The following VKORC1L1 variants were observed in gnomAD, a reference collection of about 807,000 sequenced individuals.
VKORC1L1 encodes the protein vitamin K epoxide reductase complex subunit 1L1, also known as vitamin K epoxide reductase complex subunit 1-like protein 1.
In VKORC1L1, 2 loss-of-function variants were observed where a neutral mutation model predicts 18.9. That is an observed-to-expected ratio of 0.11 (90% CI 0.04 to 0.33). The LOEUF (loss-of-function observed/expected upper bound fraction) is 0.33. Among genes scored for constraint, VKORC1L1 ranks in the 10% least tolerant of loss-of-function variants. The pLI is 1.00. For synonymous variants in VKORC1L1, 96 were observed against 100.0 expected (o/e 0.96, Z 0.24); for missense variants, 123 against 224.1 (o/e 0.55, Z 2.88).
intron 1 of VKORC1L1, among the ~76,000 whole-genome samples, chr7:65,898,088 T>TG (rs1158927698): frequency 3.6e-4 from 37 of 103,738 alleles, no homozygotes; most frequent in South Asian, 2.8e-3. Context: ...TTTTTTTTTT[T>TG]TTTTTTTTTT....
In VKORC1L1 at chr7:65,898,952, A is replaced by T. The variant is rs1312576475; in HGVS notation, c.194+25387A>T. On this transcript the variant is annotated intron_variant, in intron 1 of 2. Transcript: ENST00000360768. ...TTGTAACTGGTTTGTTTCACTTAGC[A>T]CAATGTTCTCAAGGTCCATACTATT... is the stretch of plus-strand genomic sequence containing the variant. 2.6e-5 allele frequency among the ~76,000 whole-genome samples: 4 copies of T among 152,176 alleles called. 1 individual carries two copies. The South Asian group carries it at 8.3e-4, about 32-fold the overall frequency.
Position 65,954,344 on chromosome 7 carries a change from T to C in VKORC1L1, c.*44T>C. 1 of 1,603,378 alleles carries C rather than the reference T, an allele frequency of 6.2e-7. No individual in the cohort carries two copies. Among genetic ancestry groups the C allele is most frequent in the Non-Finnish European group, 8.5e-7 (1 of 1,175,376 alleles). On this transcript the variant is annotated 3_prime_UTR_variant, in exon 3 of 3. Coordinates refer to ENST00000360768, the MANE Select transcript of VKORC1L1 (RefSeq NM_173517.6). ...CTAACAGTCTCAAGCCCCTTTCCAT[T>C]CAGTTTATTTTGCAGCAGGTTTTTA... is the stretch of plus-strand genomic sequence containing the variant.
chr7:65,880,594 G>A (rs1788911531), intron 1 of VKORC1L1, among the ~76,000 whole-genome samples: 1 of 152,164 alleles, frequency 6.6e-6, no homozygotes, highest in African/African-American at 2.4e-5. Flanking sequence ...TGGACCTGCT[G>A]CATATAAAGA....
At position 65,956,164 on chromosome 7, in the gene VKORC1L1, T is replaced by C. The variant is rs181569447; in HGVS notation, c.*1864T>C. The C allele has an allele frequency of 1.1e-4, 16 of 152,356 alleles. No homozygotes were observed. Among genetic ancestry groups the C allele is most frequent in the East Asian group, 1.9e-4 (1 of 5,186 alleles). The allele number at this position is 152,356 out of a possible 1,614,324, so 9.4% of individuals were successfully genotyped here. A position where few individuals can be genotyped will look rare whatever the true frequency, so the allele number is the denominator to read the frequency against. On this transcript the variant is annotated 3_prime_UTR_variant, in exon 3 of 3. Transcript: ENST00000360768. ...GTTAAAGAACTCTAGAAAGTACTGA[T>C]TGGCCATCTGGTGTCTATGGAGAAA...
rs926374047 is a variant in VKORC1L1 at position 65,901,412 on chromosome 7, G to A, written c.194+27847G>A. Among the ~76,000 whole-genome samples the A allele has an allele frequency of 3.9e-3, 591 of 152,300 alleles. 6 individuals carry two copies. The highest frequency in any genetic ancestry group is 0.014 in the African/African-American group (561 of 41,550). Reference sequence around the variant, plus strand: ...GAAACTGTTACTTGATTTGCGATATGTATTCTGTCCAGCAGTGATAGAATA... The same window carrying A: ...GAAACTGTTACTTGATTTGCGATATATATTCTGTCCAGCAGTGATAGAATA... On this transcript the variant is annotated intron_variant, in intron 1 of 2. Coordinates refer to ENST00000360768, the MANE Select transcript of VKORC1L1 (RefSeq NM_173517.6).
chr7:65,949,372 A>G (rs972703482), intron 2 of VKORC1L1, among the ~76,000 whole-genome samples: 2 of 151,972 alleles, frequency 1.3e-5, no homozygotes, highest in African/African-American at 4.8e-5. Context: ...CCAGCTACTC[A>G]TGAGGCTGAG....
At chr7:65,888,638 G>T (rs1789054209) in intron 1 of VKORC1L1, among the ~76,000 whole-genome samples, 1 of 152,034 alleles carries the variant, frequency 6.6e-6, no homozygotes, top group African/African-American at 2.4e-5. Context: ...GGTGGTGAGG[G>T]GGGTGCAGGG....
intron 1 of VKORC1L1, among the ~76,000 whole-genome samples, chr7:65,933,300 G>A (rs1789888465): frequency 6.6e-6 from 1 of 151,924 alleles, no homozygotes; most frequent in Non-Finnish European, 1.5e-5. Flanking sequence ...TCATTTATTT[G>A]GGAGTTCTCT....
At chr7:65,929,643 T>C (rs961430438) in intron 1 of VKORC1L1, among the ~76,000 whole-genome samples, 2 of 144,042 alleles carry the variant, frequency 1.4e-5, no homozygotes, top group African/African-American at 2.6e-5. Context: ...GCTACTGATA[T>C]ATATATATAT....
intron 1 of VKORC1L1, among the ~76,000 whole-genome samples, chr7:65,920,881 AGAAG>A (rs756137712): frequency 6.6e-6 from 1 of 150,426 alleles, no homozygotes; most frequent in East Asian, 2.0e-4. Flanking sequence ...AAGAAGGGAG[AGAAG>A]GAAGAAAGGA....
intron 2 of VKORC1L1, among the ~76,000 whole-genome samples, chr7:65,953,307 T>C (rs1165770466): frequency 1.3e-5 from 2 of 152,220 alleles, no homozygotes; most frequent in African/African-American, 4.8e-5. Context: ...TTTTAATCAA[T>C]TTGATCTAAA....
At chr7:65,925,863 A>G (rs966605508) in intron 1 of VKORC1L1, among the ~76,000 whole-genome samples, 14 of 152,136 alleles carry the variant, frequency 9.2e-5, no homozygotes, top group Non-Finnish European at 2.1e-4. Context: ...AGAATGAGAA[A>G]ATAGGCAGAG....
chr7:65,918,015 C>T lies in VKORC1L1; in HGVS notation c.195-30656C>T, dbSNP rs369699189. ...AGCAGGTAGAGTCCAGGGACAGCTACAGTGACAGTTCTGTCTCGATAGTGC... is the reference window on the plus strand; with the variant it reads ...AGCAGGTAGAGTCCAGGGACAGCTATAGTGACAGTTCTGTCTCGATAGTGC... On this transcript the variant is annotated intron_variant, in intron 1 of 2. Coordinates refer to ENST00000360768, the MANE Select transcript of VKORC1L1 (RefSeq NM_173517.6). 6.9e-4 allele frequency among the ~76,000 whole-genome samples: 105 copies of T among 152,276 alleles called. 1 individual carries two copies. Among genetic ancestry groups the T allele is most frequent in the African/African-American group, 2.5e-3 (102 of 41,558 alleles).
intron 1 of VKORC1L1, among the ~76,000 whole-genome samples, chr7:65,914,475 C>T: frequency 6.6e-6 from 1 of 152,086 alleles, no homozygotes; most frequent in East Asian, 1.9e-4. Flanking sequence ...TGTCCTGCAT[C>T]CTTAACCTCC....
rs554494762 is a variant in VKORC1L1 at position 65,938,212 on chromosome 7, GA to G, written c.195-10449del. Among the ~76,000 whole-genome samples, 361 of 147,408 alleles carry G rather than the reference GA, an allele frequency of 2.4e-3. 22 individuals are homozygous for G. In the South Asian group the frequency reaches 0.073, roughly 30 times the overall value. The stretch of plus-strand genomic sequence containing the variant: ...CTCCGTCTCAAAAAAAACCATCTCA[GA>G]AAAAAAAAATGATATCCTTAAAACA... On this transcript the variant is annotated intron_variant, in intron 1 of 2. Transcript: ENST00000360768.
intron 1 of VKORC1L1, among the ~76,000 whole-genome samples, chr7:65,889,195 C>G (rs1789068794): frequency 6.6e-6 from 1 of 151,928 alleles, no homozygotes; most frequent in South Asian, 2.1e-4. Flanking sequence ...CCTTAACAGT[C>G]ACAGCCATGT....
chr7:65,911,779 T>G (rs1258038676), intron 1 of VKORC1L1, among the ~76,000 whole-genome samples: 1 of 152,198 alleles, frequency 6.6e-6, no homozygotes, highest in Non-Finnish European at 1.5e-5. Context: ...ACTGACCCTG[T>G]CGTGGATTCA....
chr7:65,869,876 A>G (rs1010938338), upstream of VKORC1L1, among the ~76,000 whole-genome samples: 7 of 151,304 alleles, frequency 4.6e-5, no homozygotes, highest in African/African-American at 1.5e-4. Flanking sequence ...GCTGGTTGAT[A>G]ACTCCTGGCC....
At chr7:65,944,219 T>A (rs1790081601) in intron 1 of VKORC1L1, among the ~76,000 whole-genome samples, 1 of 151,760 alleles carries the variant, frequency 6.6e-6, no homozygotes, top group Admixed American at 6.6e-5. Flanking sequence ...ATAAAAAAAA[T>A]TAGCCCTGCG....
Sources: gnomAD v4.1 joint callset for allele counts (sites outside exome capture counted in the v4.1 genomes callset) on GRCh38, gnomAD v4.1.1 for gene constraint, MANE v1.5 for transcripts, NCBI Gene and HGNC (gene_info 2026-07-23, HGNC 2026-07-21) for gene names.